Variants in KCTD2 observed in about 807,000 individuals in gnomAD.
KCTD2 encodes BTB/POZ domain-containing protein KCTD2.
In KCTD2, 18 loss-of-function variants were observed where a neutral mutation model predicts 27.9. The observed-to-expected ratio is 0.64, with a 90% CI of 0.45 to 0.96. The LOEUF (loss-of-function observed/expected upper bound fraction) is 0.96, where lower values mean the gene tolerates loss of function less well. Ranked by LOEUF, KCTD2 falls within the 40% of genes least tolerant of loss-of-function variation. The probability of loss-of-function intolerance (pLI) is 0.00; values close to 1 mark genes in which losing one functional copy is unlikely to be tolerated. For synonymous variants in KCTD2, 175 were observed against 148.4 expected, an observed-to-expected ratio of 1.18 and a Z score of -1.30; for missense variants, 280 against 348.0, an observed-to-expected ratio of 0.80 and a Z score of 1.56.
upstream of KCTD2, among the ~76,000 whole-genome samples, chr17:75,042,889 AG>A (rs1317865396): frequency 6.6e-6 from 1 of 152,142 alleles, no homozygotes; most frequent in African/African-American, 2.4e-5. Flanking sequence ...TCAAAAAAAA[AG>A]AAAAAAAGAC....
Position 75,065,884 on chromosome 17 carries a change from C to T in KCTD2, c.*2837C>T, listed in dbSNP as rs1433731790. 3.3e-5 allele frequency: 5 copies of T among 152,164 alleles called. No individual in the cohort carries two copies. Among genetic ancestry groups the T allele is most frequent in the Non-Finnish European group, 5.9e-5 (4 of 68,048 alleles). The allele number at this position is 152,164 out of a possible 1,614,324, so 9.4% of individuals were successfully genotyped here. A position where few individuals can be genotyped will look rare whatever the true frequency, so the allele number is the denominator to read the frequency against. Reference sequence around the variant, plus strand: ...ATAAAGATATGAAACTTCTGAATCTCAAGAACTGTGGTGTGTTTTCCATTA... The same window carrying T: ...ATAAAGATATGAAACTTCTGAATCTTAAGAACTGTGGTGTGTTTTCCATTA... On this transcript the variant is annotated 3_prime_UTR_variant, in exon 6 of 6. Coordinates refer to ENST00000322444, the MANE Select transcript of KCTD2 (RefSeq NM_015353.3).
At chr17:75,049,173 A>G (rs1323520347) in intron 1 of KCTD2, 47 bp from the exon 2 acceptor site, 1 of 1,156,574 alleles carries the variant, frequency 8.6e-7, no homozygotes, top group Admixed American at 2.0e-5. Context: ...CTTTGTTTAA[A>G]ATACTCCTCA....
chr17:75,051,027 G>T (rs920032708), intron 2 of KCTD2, among the ~76,000 whole-genome samples: 1 of 149,148 alleles, frequency 6.7e-6, no homozygotes, highest in Non-Finnish European at 1.5e-5. Context: ...AGGCTGGAGT[G>T]CAGTGGCGCA....
chr17:75,040,051 T>C, intron 3 of KCTD2: 1 of 1,607,484 alleles, frequency 6.2e-7, no homozygotes, highest in Non-Finnish European at 8.5e-7. Context: ...GCTGTCAAGA[T>C]CAAGAGAATT....
upstream of KCTD2, chr17:75,047,207 G>A (rs1475301935): frequency 5.3e-5 from 31 of 588,404 alleles, no homozygotes; most frequent in Non-Finnish European, 7.0e-5. Context: ...AAATGGGCCG[G>A]CCCGGCTGCG....
intron 3 of KCTD2, chr17:75,040,222 G>A: frequency 1.9e-6 from 3 of 1,605,042 alleles, no homozygotes; most frequent in South Asian, 2.2e-5. Context: ...CAAGGACAGT[G>A]AGTCGTCGCC....
intron 3 of KCTD2, among the ~76,000 whole-genome samples, chr17:75,054,620 A>G (rs547105287): frequency 3.3e-5 from 5 of 152,166 alleles, no homozygotes; most frequent in African/African-American, 1.2e-4. Context: ...CCTGGCTAAC[A>G]CGGTGAAACC....
At chr17:75,055,252 G>A (rs189554922) in intron 3 of KCTD2, among the ~76,000 whole-genome samples, 504 of 151,644 alleles carry the variant, frequency 3.3e-3, no homozygotes, top group African/African-American at 0.012. Context: ...ATGGTGTTTC[G>A]CCATATTGAC....
At chr17:75,042,189 CAA>C in intron 3 of KCTD2, 1 of 1,613,862 alleles carries the variant, frequency 6.2e-7, no homozygotes, top group Non-Finnish European at 8.5e-7. Context: ...ACCTTCTTCT[CAA>C]AGTCATCCAC....
At chr17:75,037,787 C>T (rs554025488) in intron 3 of KCTD2, among the ~76,000 whole-genome samples, 101 of 152,264 alleles carry the variant, frequency 6.6e-4, no homozygotes, top group Non-Finnish European at 1.2e-3. Context: ...CAGTGGCCCA[C>T]GCCTGTAATC....
chr17:75,054,873 G>A (rs183435568), intron 3 of KCTD2, among the ~76,000 whole-genome samples: 41 of 151,736 alleles, frequency 2.7e-4, no homozygotes, highest in African/African-American at 8.7e-4. Flanking sequence ...CATGCGATTA[G>A]ACTGTTTTAA....
intron 3 of KCTD2, 139 bp from the exon 4 acceptor site, chr17:75,059,371 G>A: frequency 2.1e-6 from 1 of 485,952 alleles, no homozygotes; most frequent in Non-Finnish European, 3.7e-6. Context: ...ATTTGTAAAA[G>A]GGGATAGTGG....
chr17:75,044,374 T>C (rs1318893692), upstream of KCTD2, among the ~76,000 whole-genome samples: 1 of 105,858 alleles, frequency 9.4e-6, no homozygotes, highest in Non-Finnish European at 1.6e-5. Flanking sequence ...CCCGGCTAAT[T>C]TTTTGTATTT....
At chr17:75,062,052 T>C (rs1192061202) in intron 4 of KCTD2, 68 bp from the exon 5 acceptor site, 6 of 1,579,906 alleles carry the variant, frequency 3.8e-6, no homozygotes, top group Non-Finnish European at 5.2e-6. Flanking sequence ...GAGGGGTGAT[T>C]TGTGTAGCAC....
chr17:75,045,593 C>T (rs1156257993), upstream of KCTD2, among the ~76,000 whole-genome samples: 2 of 152,230 alleles, frequency 1.3e-5, no homozygotes, highest in Non-Finnish European at 2.9e-5. Context: ...CGATATTTCT[C>T]CCATTTGCTT....
At chr17:75,046,536 C>G (rs2073218725), upstream of KCTD2, among the ~76,000 whole-genome samples, 1 of 152,258 alleles carries the variant, frequency 6.6e-6, no homozygotes, top group Admixed American at 6.5e-5. Flanking sequence ...ATCCTGGAAG[C>G]TGCCGAAGGG....
chr17:75,046,083 T>TTGTG (rs904776938), upstream of KCTD2, among the ~76,000 whole-genome samples: 2 of 151,666 alleles, frequency 1.3e-5, no homozygotes, highest in South Asian at 2.1e-4. Flanking sequence ...ACAAATAACT[T>TTGTG]TGTGTGTGTG....
chr17:75,060,503 A>G, intron 4 of KCTD2: 1 of 1,612,400 alleles, frequency 6.2e-7, no homozygotes, highest in Non-Finnish European at 8.5e-7. Flanking sequence ...ACCAGACAAC[A>G]GCGCGACAGC....
At chr17:75,035,310 CT>C (rs1385399273) in exon 3 of KCTD2, 1 of 152,172 alleles carries the variant, frequency 6.6e-6, no homozygotes, top group African/African-American at 2.4e-5. Context: ...TCCAATCAGG[CT>C]TTGCATCCCG....
Sources: allele counts gnomAD v4.1 joint callset (sites outside exome capture counted in the v4.1 genomes callset), GRCh38; gene constraint gnomAD v4.1.1; transcripts MANE v1.5; gene names NCBI Gene and HGNC (gene_info 2026-07-23, HGNC 2026-07-21).